The following CSMD2 variants were observed in gnomAD, a reference collection of about 807,000 sequenced individuals.
CSMD2 encodes the protein CUB and Sushi multiple domains 2.
In CSMD2, 130 loss-of-function variants were observed where a neutral mutation model predicts 398.5. That is an observed-to-expected ratio of 0.33 (90% confidence interval 0.28 to 0.38). The LOEUF (loss-of-function observed/expected upper bound fraction) is 0.38, where lower values mean the gene tolerates loss of function less well. CSMD2 is among the 10% of genes least tolerant of loss of function. CSMD2 has a pLI of 1.00. For synonymous variants in CSMD2, 1,828 were observed against 1,908.5 expected, an observed-to-expected ratio of 0.96 and a Z score of 1.10; for missense variants, 3,829 against 4,764.9, an observed-to-expected ratio of 0.80 and a Z score of 5.78.
At chr1:33,639,095 C>T (rs1417078993) in intron 29 of CSMD2, among the ~76,000 whole-genome samples, 2 of 152,242 alleles carry the variant, frequency 1.3e-5, no homozygotes, top group African/African-American at 4.8e-5. Flanking sequence ...TCCTTCCTTG[C>T]ATCTTTCCTC....
intron 1 of CSMD2, among the ~76,000 whole-genome samples, 176 bp from the exon 2 acceptor site, chr1:34,089,369 C>T (rs573033621): frequency 1.3e-5 from 2 of 152,294 alleles, no homozygotes; most frequent in South Asian, 2.1e-4. Context: ...TGATTGTCGG[C>T]TTGCTGTGCG....
chr1:33,574,110 G>T (rs1659850997), intron 49 of CSMD2, among the ~76,000 whole-genome samples: 1 of 152,174 alleles, frequency 6.6e-6, no homozygotes, highest in Non-Finnish European at 1.5e-5. Context: ...GACATGTAAA[G>T]TCTCAGAAAA....
At chr1:33,594,377 T>G (rs1208537765) in intron 44 of CSMD2, among the ~76,000 whole-genome samples, 1 of 152,214 alleles carries the variant, frequency 6.6e-6, no homozygotes, top group Admixed American at 6.5e-5. Context: ...TTCTGTAATC[T>G]AACGTCAAAA....
Position 33,633,368 on chromosome 1 carries a change from G to A in CSMD2, c.5200+54C>T. On this transcript the variant is annotated intron_variant, in intron 32 of 70. Coordinates refer to ENST00000373381, the MANE Select transcript of CSMD2 (RefSeq NM_001281956.2). The surrounding 1 kb of genome is among the most constrained non-coding windows in gnomAD (Gnocchi z 5.0). Reference sequence around the variant, plus strand: ...CTTCTAGAGCCTCCTTCCTTTAGCCGGACGTGATGCCCCCGGCCCACAACC... The same window carrying A: ...CTTCTAGAGCCTCCTTCCTTTAGCCAGACGTGATGCCCCCGGCCCACAACC... The A allele has an allele frequency of 2.2e-6, 3 of 1,349,292 alleles. No individual in the cohort carries two copies. Among genetic ancestry groups the A allele is most frequent in the Non-Finnish European group, 3.1e-6 (3 of 964,350 alleles). The allele number at this position is 1,349,292 out of a possible 1,614,324, so 83.6% of individuals were successfully genotyped here. A position where few individuals can be genotyped will look rare whatever the true frequency, so the allele number is the denominator to read the frequency against.
Position 33,761,352 on chromosome 1 carries a change from C to T in CSMD2, c.1846+11217G>A, listed in dbSNP as rs1042145324. Among the ~76,000 whole-genome samples, 10 of 152,328 alleles carry T rather than the reference C, an allele frequency of 6.6e-5. No individual in the cohort carries two copies. In the East Asian group the frequency reaches 7.7e-4, roughly 12 times the overall value. On this transcript the variant is annotated intron_variant, in intron 13 of 70. Transcript: ENST00000373381. ...CCCCCAGGATCCTATGAGTGATACT[C>T]GTAGCGTCCTATTCTTCCTACATGG...
chr1:34,044,806 T>C (rs1007164629), intron 2 of CSMD2, among the ~76,000 whole-genome samples: 1 of 152,132 alleles, frequency 6.6e-6, no homozygotes, highest in African/African-American at 2.4e-5. Context: ...CATCAAACAG[T>C]GATATGAAAA....
At chr1:33,612,450 A>G (rs1457811815) in intron 40 of CSMD2, among the ~76,000 whole-genome samples, 1 of 152,134 alleles carries the variant, frequency 6.6e-6, no homozygotes, top group Non-Finnish European at 1.5e-5. Context: ...ATTCTTAAAT[A>G]TGTATCTGGG....
At chr1:33,675,543 G>T (rs1336330065) in intron 25 of CSMD2, among the ~76,000 whole-genome samples, 2 of 152,164 alleles carry the variant, frequency 1.3e-5, no homozygotes, top group Non-Finnish European at 2.9e-5. Context: ...GGAGAAGCTG[G>T]TACCATTACT....
intron 2 of CSMD2, among the ~76,000 whole-genome samples, chr1:34,050,755 C>T (rs574162178): frequency 6.6e-6 from 1 of 152,182 alleles, no homozygotes; most frequent in Non-Finnish European, 1.5e-5. Flanking sequence ...GTGTTTCCTT[C>T]CTGTTCTATG....
At chr1:33,774,526 G>T (rs1364445273) in intron 12 of CSMD2, among the ~76,000 whole-genome samples, 1 of 152,200 alleles carries the variant, frequency 6.6e-6, no homozygotes, top group African/African-American at 2.4e-5. Flanking sequence ...TCTCTGGGAT[G>T]CGAGAGCCTG....
chr1:33,743,175 A>G (rs1267651246), intron 14 of CSMD2, 105 bp downstream of exon 14: 1 of 919,620 alleles, frequency 1.1e-6, no homozygotes, highest in Non-Finnish European at 1.6e-6. Flanking sequence ...TGCCCTGGGA[A>G]CTGCCCCATC....
Position 33,626,550 on chromosome 1 carries a change from T to A in CSMD2, c.5232A>T (p.Gln1744His). The A allele has an allele frequency of 6.2e-7, 1 of 1,606,794 alleles. No homozygotes were observed. Among genetic ancestry groups the A allele is most frequent in the Non-Finnish European group, 8.5e-7 (1 of 1,177,178 alleles). Residue 1744 changes from glutamine (Q) to histidine (H), a missense_variant, in exon 33 of 71, where the codon CAA (glutamine) becomes CAT (histidine). Gln to His is a conservative substitution (Grantham distance 24). Coordinates refer to ENST00000373381, the MANE Select transcript of CSMD2 (RefSeq NM_001281956.2). ...CTTTGGCGCTGAACTTAATGAGAAC[T>A]TGATTGGAGGTGGCCAAGGGCAGTG... ...GESLPLATSN[Q>H]VLIKFSAKGL... is the part of the protein sequence containing the mutation.
intron 1 of CSMD2, among the ~76,000 whole-genome samples, chr1:34,142,798 G>A (rs891081349): frequency 7.2e-5 from 11 of 152,138 alleles, no homozygotes; most frequent in African/African-American, 2.4e-4. Context: ...CCTGTTTTAA[G>A]GTTTATATTA....
chr1:33,971,453 G>A lies in CSMD2; in HGVS notation c.518-35499C>T, dbSNP rs79577155. 9.8e-3 allele frequency among the ~76,000 whole-genome samples: 1,498 copies of A among 152,322 alleles called. 23 individuals carry two copies. Among genetic ancestry groups the A allele is most frequent in the African/African-American group, 0.034 (1,418 of 41,574 alleles). On this transcript the variant is annotated intron_variant, in intron 3 of 70. Transcript: ENST00000373381. ...GATCTGCAGGGCCTCGGGAAACATC[G>A]TGCCTGGCTCAGGTCTTTCCCCTGA...
intron 62 of CSMD2, among the ~76,000 whole-genome samples, chr1:33,534,335 AAAATGTGAAGAAGAGTGCAAATT>A (rs1267845715): frequency 4.6e-5 from 7 of 152,226 alleles, no homozygotes; most frequent in Non-Finnish European, 8.8e-5. Context: ...AGCATTTTAC[AAAATGTGAAGAAGAGTGCAAATT>A]AAATATTGTG....
rs541967086 is a variant in CSMD2, at chr1:33,985,724, GT to G, written c.517+46869del. On this transcript the variant is annotated intron_variant, in intron 3 of 70. Transcript: ENST00000373381. ...GCTCCCCAGTAGATCTTGTGCCTTT[GT>G]TTTCCCTGGCTGGAGGTCAAGGTCC... Among the ~76,000 whole-genome samples, 12 of 152,284 alleles carry G rather than the reference GT, an allele frequency of 7.9e-5. No homozygotes were observed. The South Asian group carries it at 2.5e-3, about 32-fold the overall frequency.
At chr1:33,864,369 T>C (rs949528947) in intron 5 of CSMD2, 4 of 1,613,838 alleles carry the variant, frequency 2.5e-6, no homozygotes, top group East Asian at 4.5e-5. Flanking sequence ...AAAGGCCAAA[T>C]ATGAAGCCCT....
chr1:34,033,241 A>G (rs180779522), intron 2 of CSMD2, among the ~76,000 whole-genome samples: 1 of 152,358 alleles, frequency 6.6e-6, no homozygotes. Context: ...TCTAGAAATA[A>G]TTATTCCTGA....
chr1:33,905,047 C>T (rs1461752186), intron 5 of CSMD2, among the ~76,000 whole-genome samples: 2 of 152,120 alleles, frequency 1.3e-5, no homozygotes, highest in East Asian at 3.9e-4. Flanking sequence ...TCAAGCAGTC[C>T]TCCCACCTCA....
Sources: gnomAD v4.1 joint callset for allele counts (sites outside exome capture counted in the v4.1 genomes callset) on GRCh38, gnomAD v4.1.1 for gene constraint, Gnocchi (gnomAD v3.1) non-coding constraint, MANE v1.5 for transcripts, NCBI Gene and HGNC (gene_info 2026-07-23, HGNC 2026-07-21) for gene names.